The following FAF1 variants were observed in gnomAD, a reference collection of about 807,000 sequenced individuals.
FAF1 encodes FAS-associated factor 1.
In FAF1, 25 loss-of-function variants were observed where a neutral mutation model predicts 92.5. The ratio of observed to expected loss-of-function variants is 0.27; its 90% CI spans 0.20 to 0.38. The LOEUF (loss-of-function observed/expected upper bound fraction) is 0.38. FAF1 is among the 10% of genes least tolerant of loss of function. The pLI is 1.00. For missense variants in FAF1, 636 were observed against 793.3 expected (o/e 0.80, Z 2.38); for synonymous variants, 234 against 273.2 (o/e 0.86, Z 1.42).
At chr1:50,942,681 C>G (rs747105285) in intron 1 of FAF1, among the ~76,000 whole-genome samples, 2 of 151,978 alleles carry the variant, frequency 1.3e-5, no homozygotes, top group Non-Finnish European at 2.9e-5. Context: ...AGATACAGGA[C>G]TCCTAAGACA....
intron 8 of FAF1, among the ~76,000 whole-genome samples, chr1:50,618,866 A>C (rs949052748): frequency 6.6e-6 from 1 of 151,422 alleles, no homozygotes; most frequent in Non-Finnish European, 1.5e-5. Flanking sequence ...CTTCTGCCTC[A>C]GCCTCCTGGG....
chr1:50,959,657 G>T, intron 1 of FAF1, 110 bp downstream of exon 1: 1 of 885,688 alleles, frequency 1.1e-6, no homozygotes, highest in Non-Finnish European at 1.8e-6. Flanking sequence ...CCGTATAAAA[G>T]CCTAAATGAC....
At position 50,437,378 on chromosome 1, in the gene FAF1, CTTTCT is replaced by C. The variant is rs1646136908; in HGVS notation, c.*4057_*4061del. On this transcript the variant is annotated 3_prime_UTR_variant, in exon 19 of 19. Coordinates refer to ENST00000396153, the MANE Select transcript of FAF1 (RefSeq NM_007051.3). ...CTTTCCAGGAAAATACATGTTTAACCTTTCTTTTTTTTTTTTTTTTAAAGAGATGA... is the reference window on the plus strand; with the variant it reads ...CTTTCCAGGAAAATACATGTTTAACCTTTTTTTTTTTTTTTAAAGAGATGA... The C allele has an allele frequency of 6.7e-6, 1 of 149,284 alleles. No individual in the cohort carries two copies. Among genetic ancestry groups the C allele is most frequent in the Admixed American group, 6.6e-5 (1 of 15,042 alleles). The allele number at this position is 149,284 out of a possible 1,614,324, so 9.2% of individuals were successfully genotyped here. A position where few individuals can be genotyped will look rare whatever the true frequency, so the allele number is the denominator to read the frequency against.
intron 2 of FAF1, among the ~76,000 whole-genome samples, chr1:50,847,583 CA>C (rs1457754263): frequency 6.6e-6 from 1 of 151,850 alleles, no homozygotes; most frequent in African/African-American, 2.4e-5. Flanking sequence ...AAAGAACAAA[CA>C]AAAGCTGTAG....
intron 15 of FAF1, among the ~76,000 whole-genome samples, chr1:50,523,638 GTTAATATAT>G (rs1294977995): frequency 3.9e-5 from 6 of 152,118 alleles, no homozygotes; most frequent in African/African-American, 1.4e-4. Context: ...TGTTGTAGGA[GTTAATATAT>G]TTAATATATT....
At chr1:50,715,572 A>C (rs560045126) in intron 6 of FAF1, among the ~76,000 whole-genome samples, 1 of 152,368 alleles carries the variant, frequency 6.6e-6, no homozygotes, top group East Asian at 1.9e-4. Flanking sequence ...ACAGTTCTAG[A>C]AATCTTTTTA....
intron 4 of FAF1, among the ~76,000 whole-genome samples, chr1:50,746,274 ATATATATATATATATATATTTTTTTTTTT>A (rs1659599275): frequency 1.1e-4 from 2 of 18,262 alleles, no homozygotes; most frequent in African/African-American, 5.7e-4. Flanking sequence ...ATATATATAT[ATATATATATATATATATATTTTTTTTTTT>A]TTTTTTTTTT....
intron 8 of FAF1, 50 bp downstream of exon 8, chr1:50,655,392 T>C (rs1655060582): frequency 8.5e-7 from 1 of 1,174,166 alleles, no homozygotes; most frequent in Admixed American, 1.7e-5. Context: ...AGACTGAAAG[T>C]GGCAAAAGAG....
intron 7 of FAF1, among the ~76,000 whole-genome samples, chr1:50,677,176 A>T (rs1430615418): frequency 2.0e-5 from 3 of 152,186 alleles, no homozygotes; most frequent in African/African-American, 7.2e-5. Context: ...AGGAAATGCA[A>T]ATTAAAACAA....
intron 2 of FAF1, among the ~76,000 whole-genome samples, chr1:50,815,511 G>A (rs114010342): frequency 9.5e-4 from 144 of 152,244 alleles, no homozygotes; most frequent in African/African-American, 3.4e-3. Context: ...GGTGAATACT[G>A]CTGTGATGAA....
intron 4 of FAF1, among the ~76,000 whole-genome samples, chr1:50,762,714 T>C (rs1032550087): frequency 3.3e-5 from 5 of 152,126 alleles, no homozygotes; most frequent in African/African-American, 1.2e-4. Flanking sequence ...ACTTAAATGT[T>C]AGACCTAAAA....
At chr1:50,751,190 A>G (rs1021414036) in intron 4 of FAF1, among the ~76,000 whole-genome samples, 1 of 151,730 alleles carries the variant, frequency 6.6e-6, no homozygotes, top group Admixed American at 6.6e-5. Flanking sequence ...AAGTAGGAAT[A>G]TAAGGCAGCT....
intron 1 of FAF1, among the ~76,000 whole-genome samples, chr1:50,894,533 C>G (rs1446527373): frequency 6.6e-6 from 1 of 151,890 alleles, no homozygotes; most frequent in African/African-American, 2.4e-5. Context: ...GCAAGAAAAA[C>G]TTATCTTTAA....
intron 1 of FAF1, 153 bp downstream of exon 1, chr1:50,959,614 T>C: frequency 2.0e-6 from 1 of 510,302 alleles, no homozygotes; most frequent in Non-Finnish European, 3.6e-6. Flanking sequence ...CGCTTCTCCA[T>C]AGCTCGCCAC....
intron 8 of FAF1, among the ~76,000 whole-genome samples, chr1:50,629,247 G>C (rs1450704965): frequency 2.8e-5 from 4 of 144,250 alleles, no homozygotes; most frequent in African/African-American, 1.0e-4. Context: ...TCGGCTCACT[G>C]CAACCTCCGC....
chr1:50,921,936 G>T (rs1013806445), intron 1 of FAF1, among the ~76,000 whole-genome samples: 7 of 152,000 alleles, frequency 4.6e-5, no homozygotes, highest in African/African-American at 1.7e-4. Context: ...GGAGGCCAAG[G>T]CAGGTGGATC....
At chr1:50,483,715 A>T (rs984923574) in intron 17 of FAF1, among the ~76,000 whole-genome samples, 1 of 152,180 alleles carries the variant, frequency 6.6e-6, no homozygotes. Flanking sequence ...GGTGGCTTAG[A>T]TGAGGGTGAT....
chr1:50,634,065 T>C (rs1433698719), intron 8 of FAF1, among the ~76,000 whole-genome samples: 2 of 152,222 alleles, frequency 1.3e-5, no homozygotes, highest in Admixed American at 6.5e-5. Flanking sequence ...ATGTAGAATA[T>C]TAAACAATGT....
Position 50,655,496 on chromosome 1 carries a change from G to C in FAF1, c.690C>G (p.Ile230Met), listed in dbSNP as rs1254551267. The change falls in exon 8 of 19, where the codon ATC (isoleucine) becomes ATG (methionine). Residue 230 changes from isoleucine (I) to methionine (M), a missense_variant. Ile to Met is a conservative substitution (Grantham distance 10). This residue lies in a region of FAF1 where 317 missense variants were observed against 342.4 expected (regional missense o/e 0.93). Coordinates refer to ENST00000396153, the MANE Select transcript of FAF1 (RefSeq NM_007051.3). ...VKRNVYDLTS[I>M]PVRHQLWEGW... ...CCTCCCATAATTGGTGGCGAACGGG[G>C]ATACTTGTAAGGTCATACACATTTC... The C allele has an allele frequency of 2.5e-6, 4 of 1,613,186 alleles. No individual in the cohort carries two copies. The highest frequency in any genetic ancestry group is 2.2e-5 in the East Asian group (1 of 44,890).
Sources: gnomAD v4.1 joint callset for allele counts (sites outside exome capture counted in the v4.1 genomes callset) on GRCh38, gnomAD v4.1.1 for gene constraint, gnomAD v4.1.1 regional missense constraint, MANE v1.5 for transcripts, NCBI Gene and HGNC (gene_info 2026-07-23, HGNC 2026-07-21) for gene names.